Variants in SCN10A observed in about 807,000 individuals in gnomAD.
The protein encoded by SCN10A is sodium channel protein type 10 subunit alpha.
SCN10A carries 162 observed loss-of-function variants against 170.7 expected under a neutral mutation model. The ratio of observed to expected loss-of-function variants is 0.95; its 90% CI spans 0.84 to 1.08. SCN10A has a LOEUF of 1.08. Among genes scored for constraint, SCN10A ranks in the 50% least tolerant of loss-of-function variants. The pLI, the probability that SCN10A is intolerant of heterozygous loss-of-function variation, is 0.00. For missense variants in SCN10A, 2,527 were observed against 2,436.9 expected (o/e 1.04, Z -0.78); for synonymous variants, 985 against 904.6 (o/e 1.09, Z -1.59).
chr3:38,731,971 G>A (rs2063517346), intron 15 of SCN10A, among the ~76,000 whole-genome samples: 1 of 152,218 alleles, frequency 6.6e-6, no homozygotes, highest in Non-Finnish European at 1.5e-5. Flanking sequence ...TCAAAAGCCT[G>A]GTGTCCTCGT....
At chr3:38,716,397 A>T (rs1027734724) in intron 21 of SCN10A, among the ~76,000 whole-genome samples, 3 of 151,978 alleles carry the variant, frequency 2.0e-5, no homozygotes, top group African/African-American at 7.3e-5. Context: ...ATGAGATGTG[A>T]CGGTATTATA....
At position 38,723,500 on chromosome 3, in the gene SCN10A, A is replaced by G; in HGVS notation, c.3282T>C (p.Pro1094=). The change falls in exon 19 of 28, where the codon CCT becomes CCC. Residue 1094 remains proline (P), a synonymous_variant. Transcript: ENST00000449082. ...CAGGGATCTTCCTCAGGATTTCCTC[A>G]GGATCTAGGCAGTCCACCGTGCTGC... The part of the protein sequence containing the change: ...SEGSTVDCLD[P]EEILRKIPEL... The G allele has an allele frequency of 6.2e-7, 1 of 1,613,606 alleles. No homozygotes were observed. Among genetic ancestry groups the G allele is most frequent in the South Asian group, 1.1e-5 (1 of 90,942 alleles).
chr3:38,737,829 T>TTTCTTTCTTTCTTTCC (rs879681614), intron 15 of SCN10A, among the ~76,000 whole-genome samples: 1 of 127,342 alleles, frequency 7.9e-6, no homozygotes, highest in Admixed American at 8.0e-5. Flanking sequence ...TCTTTCTTTC[T>TTTCTTTCTTTCTTTCC]TTCTCTTTCT....
At chr3:38,739,004 C>A (rs1006516942) in intron 15 of SCN10A, among the ~76,000 whole-genome samples, 1 of 152,142 alleles carries the variant, frequency 6.6e-6, no homozygotes, top group Non-Finnish European at 1.5e-5. Context: ...TGGAGTCAGA[C>A]AACCTGGATT....
chr3:38,768,792 C>T (rs535106728), intron 5 of SCN10A, among the ~76,000 whole-genome samples: 1 of 152,242 alleles, frequency 6.6e-6, no homozygotes, highest in East Asian at 1.9e-4. Flanking sequence ...ATTTGGATAT[C>T]TATATTTCTA....
At position 38,771,363 on chromosome 3, in the gene SCN10A, A is replaced by G; in HGVS notation, c.515T>C (p.Ile172Thr). Residue 172 changes from isoleucine to threonine, a missense_variant, in exon 5 of 28, where the codon ATA becomes ACA. Coordinates refer to ENST00000449082, the MANE Select transcript of SCN10A (RefSeq NM_006514.4). Reference sequence around the variant, plus strand: ...ATTTAGACAAAATCCTCTTGCCAGTATCTTTATCAAGGCTTCAAAGGTGTA... The same window carrying G: ...ATTTAGACAAAATCCTCTTGCCAGTGTCTTTATCAAGGCTTCAAAGGTGTA... ...VIYTFEALIK[I>T]LARGFCLNEF... 6.2e-7 allele frequency: 1 copy of G among 1,614,144 alleles called. No homozygotes were observed. The highest frequency in any genetic ancestry group is 8.5e-7 in the Non-Finnish European group (1 of 1,179,958).
intron 15 of SCN10A, among the ~76,000 whole-genome samples, chr3:38,732,999 T>C (rs1337436710): frequency 6.6e-6 from 1 of 152,158 alleles, no homozygotes; most frequent in Non-Finnish European, 1.5e-5. Flanking sequence ...TTAGCAAAGC[T>C]TGTAGTAATG....
rs80128036 is a variant in SCN10A, at chr3:38,732,738, G to A, written c.2281-3837C>T. 9.5e-3 allele frequency among the ~76,000 whole-genome samples: 1,439 copies of A among 152,248 alleles called. 23 individuals carry two copies. The highest frequency in any genetic ancestry group is 0.033 in the African/African-American group (1,376 of 41,532). ...AGCCTCATGAACCAGCAACCCTAGG[G>A]GAAGGGTTTATTAAACCTTAGTATT... On this transcript the variant is annotated intron_variant, in intron 15 of 27. Coordinates refer to ENST00000449082, the MANE Select transcript of SCN10A (RefSeq NM_006514.4).
intron 1 of SCN10A, among the ~76,000 whole-genome samples, chr3:38,812,931 G>C (rs1161303932): frequency 6.6e-6 from 1 of 152,082 alleles, no homozygotes; most frequent in East Asian, 1.9e-4. Context: ...CTACTCAGGA[G>C]CTGAGGTAGG....
At position 38,793,801 on chromosome 3, in the gene SCN10A, G is replaced by T; in HGVS notation, c.210C>A (p.Leu70=). 6.2e-7 allele frequency: 1 copy of T among 1,613,918 alleles called. No individual in the cohort carries two copies. The highest frequency in any genetic ancestry group is 8.5e-7 in the Non-Finnish European group (1 of 1,179,930). The change falls in exon 2 of 28, where the codon CTC becomes CTA. Residue 70 remains leucine, a synonymous_variant. Coordinates refer to ENST00000449082, the MANE Select transcript of SCN10A (RefSeq NM_006514.4). ...CNQLPKFYGE[L]PAELIGEPLE... Reference sequence around the variant, plus strand: ...GGGGCTCCCCGATCAGTTCTGCTGGGAGCTCACCATAGAACTTGGGCAGCT... The same window carrying T: ...GGGGCTCCCCGATCAGTTCTGCTGGTAGCTCACCATAGAACTTGGGCAGCT...
chr3:38,757,135 G>A lies in SCN10A; in HGVS notation c.975C>T (p.Cys325=). 1 of 1,610,892 alleles carries A rather than the reference G, an allele frequency of 6.2e-7. No homozygotes were observed. Among genetic ancestry groups the A allele is most frequent in the South Asian group, 1.1e-5 (1 of 90,294 alleles). Residue 325 remains cysteine, a synonymous_variant, in exon 9 of 28, where the codon TGC becomes TGT. Coordinates refer to ENST00000449082, the MANE Select transcript of SCN10A (RefSeq NM_006514.4). Reference sequence around the variant, plus strand: ...AATCCGGGTTGTCAGAAGTTTTAAGGCAGATATAACCATCAGGGCAGTGGC... The same window carrying A: ...AATCCGGGTTGTCAGAAGTTTTAAGACAGATATAACCATCAGGGCAGTGGC... ...DSGHCPDGYI[C]LKTSDNPDFN... is the part of the protein sequence containing the mutation.
chr3:38,707,261 G>A lies in SCN10A; in HGVS notation c.4386+18C>T. The A allele has an allele frequency of 6.2e-7, 1 of 1,612,776 alleles. No individual in the cohort carries two copies. ...GATTCACAGACAGGCTGTGCTAGAG[G>A]AAACCTCTGGGGCTCACCAGGGGCC... is the stretch of plus-strand genomic sequence containing the variant. On this transcript the variant is annotated intron_variant, in intron 26 of 27. Transcript: ENST00000449082.
chr3:38,797,189 A>G (rs1301252329), intron 1 of SCN10A, among the ~76,000 whole-genome samples: 1 of 151,942 alleles, frequency 6.6e-6, no homozygotes. Flanking sequence ...GCTTGCTCCC[A>G]CCATACCTAG....
At position 38,804,230 on chromosome 3, in the gene SCN10A, A is replaced by G. The variant is rs139282787; in HGVS notation, c.-32-10188T>C. ...AAGCACAATATTGCCTCTGTTTTTC[A>G]ACTTGTTCTTTTCTCTGCTCATATT... On this transcript the variant is annotated intron_variant, in intron 1 of 27. Coordinates refer to ENST00000449082, the MANE Select transcript of SCN10A (RefSeq NM_006514.4). Among the ~76,000 whole-genome samples, 7 of 152,086 alleles carry G rather than the reference A, an allele frequency of 4.6e-5. No homozygotes were observed. The East Asian group carries it at 1.4e-3, about 29-fold the overall frequency.
At chr3:38,725,365 A>G in intron 17 of SCN10A, 51 bp from the exon 18 acceptor site, 1 of 1,502,994 alleles carries the variant, frequency 6.7e-7, no homozygotes, top group East Asian at 2.3e-5. Flanking sequence ...TTAGATGACC[A>G]GTTCTAAATT....
intron 17 of SCN10A, among the ~76,000 whole-genome samples, chr3:38,726,130 A>T (rs893267253): frequency 6.6e-6 from 1 of 152,322 alleles, no homozygotes; most frequent in East Asian, 1.9e-4. Context: ...AAATGGCTCA[A>T]ATGTGCTTTA....
intron 3 of SCN10A, among the ~76,000 whole-genome samples, chr3:38,791,195 C>G (rs62244111): frequency 0.3 from 45,348 of 152,072 alleles, 8,366 homozygotes; most frequent in Admixed American, 0.41. Flanking sequence ...CTCCTGCAAG[C>G]CAGGGCTAAA....
intron 21 of SCN10A, among the ~76,000 whole-genome samples, chr3:38,717,733 G>C (rs1054093370): frequency 2.0e-5 from 3 of 152,250 alleles, no homozygotes; most frequent in Non-Finnish European, 4.4e-5. Context: ...GGCAGACCTT[G>C]CTGCTGGCAG....
At position 38,712,413 on chromosome 3, in the gene SCN10A, T is replaced by C. The variant is rs1468403578; in HGVS notation, c.3837A>G (p.Pro1279=). 6.2e-7 allele frequency: 1 copy of C among 1,614,082 alleles called. No homozygotes were observed. The highest frequency in any genetic ancestry group is 8.5e-7 in the Non-Finnish European group (1 of 1,179,990). ...VVVDALVGAI[P]SIMNVLLVCL... Reference sequence around the variant, plus strand: ...AGACGAGGAGGACATTCATGATGGATGGGATGGCGCCCACCAGGGCATCCA... The same window carrying C: ...AGACGAGGAGGACATTCATGATGGACGGGATGGCGCCCACCAGGGCATCCA... The change falls in exon 23 of 28, where the codon CCA becomes CCG. Residue 1279 remains proline (P), a synonymous_variant. Coordinates refer to ENST00000449082, the MANE Select transcript of SCN10A (RefSeq NM_006514.4).
Sources: gnomAD v4.1 joint callset for allele counts (sites outside exome capture counted in the v4.1 genomes callset) on GRCh38, gnomAD v4.1.1 for gene constraint, MANE v1.5 for transcripts, NCBI Gene and HGNC (gene_info 2026-07-23, HGNC 2026-07-21) for gene names.